The following BBS7 variants were observed in gnomAD, a reference collection of about 807,000 sequenced individuals.
BBS7 encodes the protein Bardet-Biedl syndrome 7.
A neutral mutation model predicts 90.3 loss-of-function variants in BBS7; 50 were observed. The observed-to-expected ratio is 0.55, with a 90% CI of 0.44 to 0.70. BBS7 has a LOEUF of 0.70. BBS7 is among the 30% of genes least tolerant of loss of function. The pLI is 0.00. For missense variants in BBS7, 729 were observed against 838.9 expected, an observed-to-expected ratio of 0.87 and a Z score of 1.62; for synonymous variants, 235 against 287.4, an observed-to-expected ratio of 0.82 and a Z score of 1.85.
intron 1 of BBS7, 149 bp from the exon 2 acceptor site, chr4:121,868,195 T>C: frequency 1.4e-6 from 1 of 736,800 alleles, no homozygotes; most frequent in Non-Finnish European, 2.4e-6. Context: ...TATGTCATAT[T>C]AGTCAGAATA....
In BBS7 at chr4:121,839,779, C is replaced by T. The variant is rs1201208703; in HGVS notation, c.1306-83G>A. ...AAGACATCAATAATAATAATGGTTA[C>T]CATTTGCTTAAGCACCTGTCATTGG... On this transcript the variant is annotated intron_variant, in intron 12 of 18. Coordinates refer to ENST00000264499, the MANE Select transcript of BBS7 (RefSeq NM_176824.3). 18 of 1,240,994 alleles carry T rather than the reference C, an allele frequency of 1.5e-5. 1 individual carries two copies. In the South Asian group the frequency reaches 2.3e-4, roughly 16 times the overall value. The allele number at this position is 1,240,994 out of a possible 1,614,324, so 76.9% of individuals were successfully genotyped here.
rs1724876837 is a variant in BBS7 at position 121,825,790 on chromosome 4, A to C, written c.*70T>G. The stretch of plus-strand genomic sequence containing the variant: ...TGAAATTAAAGTACATACACAGTTA[A>C]CTTCTAATTCTCTTTTAACATTTTT... On this transcript the variant is annotated 3_prime_UTR_variant, in exon 19 of 19. Coordinates refer to ENST00000264499, the MANE Select transcript of BBS7 (RefSeq NM_176824.3). The C allele has an allele frequency of 2.0e-6, 3 of 1,515,152 alleles. No individual in the cohort carries two copies. Among genetic ancestry groups the C allele is most frequent in the Non-Finnish European group, 2.7e-6 (3 of 1,101,034 alleles). The allele number at this position is 1,515,152 out of a possible 1,614,324, so 93.9% of individuals were successfully genotyped here.
intron 18 of BBS7, 63 bp downstream of exon 18, chr4:121,828,083 G>C: frequency 1.7e-5 from 27 of 1,605,242 alleles, no homozygotes; most frequent in Non-Finnish European, 2.3e-5. Context: ...TCTCTTACAT[G>C]ATCCTTGGGA....
At chr4:121,868,076 T>C (rs779447772) in intron 1 of BBS7, 30 bp from the exon 2 acceptor site, 2 of 1,571,560 alleles carry the variant, frequency 1.3e-6, no homozygotes, top group South Asian at 2.2e-5. Flanking sequence ...GCCTAGTGAA[T>C]TTAATTTGAA....
intron 12 of BBS7, among the ~76,000 whole-genome samples, chr4:121,842,703 A>G (rs1470814742): frequency 5.9e-5 from 9 of 152,118 alleles, no homozygotes; most frequent in Admixed American, 5.9e-4. Flanking sequence ...AATGCATATA[A>G]ATAAAATAAA....
chr4:121,868,351 T>C (rs183165553), intron 1 of BBS7, among the ~76,000 whole-genome samples: 180 of 152,134 alleles, frequency 1.2e-3, no homozygotes, highest in African/African-American at 4.2e-3. Flanking sequence ...TTCAGCAAAG[T>C]GATTCAAGAA....
chr4:121,851,697 A>C (rs1726328875), intron 8 of BBS7, among the ~76,000 whole-genome samples: 1 of 152,198 alleles, frequency 6.6e-6, no homozygotes, highest in African/African-American at 2.4e-5. Context: ...CCCCTTAACT[A>C]CCTTTTTTGA....
chr4:121,837,373 C>T (rs111460492), intron 13 of BBS7, among the ~76,000 whole-genome samples: 128 of 152,180 alleles, frequency 8.4e-4, no homozygotes, highest in African/African-American at 2.9e-3. Flanking sequence ...TACCTATTAT[C>T]GGTTAGACAA....
At chr4:121,827,942 T>A in intron 18 of BBS7, 1 of 1,363,010 alleles carries the variant, frequency 7.3e-7, no homozygotes, top group Non-Finnish European at 9.4e-7. Context: ...TTTTATCAAG[T>A]AAAAGAATTA....
At chr4:121,842,251 CAAAAAAA>C (rs1270788731) in intron 12 of BBS7, among the ~76,000 whole-genome samples, 13 of 66,674 alleles carry the variant, frequency 1.9e-4, no homozygotes, top group Admixed American at 1.2e-3. Flanking sequence ...GACTCCATCT[CAAAAAAA>C]AAAAAAAAAA....
chr4:121,849,528 T>A (rs1000311169), intron 8 of BBS7, among the ~76,000 whole-genome samples: 14 of 152,210 alleles, frequency 9.2e-5, no homozygotes, highest in Admixed American at 3.9e-4. Context: ...AAAGGTTTTT[T>A]AAAAACTTAC....
intron 15 of BBS7, among the ~76,000 whole-genome samples, chr4:121,830,968 G>A (rs1240482004): frequency 1.3e-5 from 2 of 152,190 alleles, no homozygotes; most frequent in African/African-American, 4.8e-5. Context: ...AGTACTTTGG[G>A]AGGCTGAGGC....
chr4:121,864,185 A>C (rs1727139033), intron 2 of BBS7, among the ~76,000 whole-genome samples: 1 of 152,220 alleles, frequency 6.6e-6, no homozygotes, highest in Non-Finnish European at 1.5e-5. Flanking sequence ...GTCTTCCACG[A>C]AACTGGTTCC....
chr4:121,863,032 G>GTAA (rs1727068709), intron 3 of BBS7, among the ~76,000 whole-genome samples, 185 bp downstream of exon 3: 1 of 152,104 alleles, frequency 6.6e-6, no homozygotes, highest in South Asian at 2.1e-4. Flanking sequence ...GATGCCAAAG[G>GTAA]TGCCTTACAA....
chr4:121,836,992 C>T (rs1466744901), intron 13 of BBS7, among the ~76,000 whole-genome samples: 1 of 151,502 alleles, frequency 6.6e-6, no homozygotes, highest in Non-Finnish European at 1.5e-5. Flanking sequence ...TAGAGTCTCA[C>T]TCCATTGCCC....
In BBS7 at chr4:121,827,667, T is replaced by C. The variant is rs535771211; in HGVS notation, c.2014+479A>G. On this transcript the variant is annotated intron_variant, in intron 18 of 18. Coordinates refer to ENST00000264499, the MANE Select transcript of BBS7 (RefSeq NM_176824.3). Reference sequence around the variant, plus strand: ...CTCCCTTACTCTGTTTCAATACAATTTGTGAAACATTCAGCTTCTCACCAC... The same window carrying C: ...CTCCCTTACTCTGTTTCAATACAATCTGTGAAACATTCAGCTTCTCACCAC... The C allele has an allele frequency of 2.3e-5, 13 of 563,120 alleles. No individual in the cohort carries two copies. The East Asian group carries it at 1.7e-3, about 74-fold the overall frequency. 34.9% of individuals were successfully genotyped at this position (563,120 alleles called of 1,614,324 possible).
intron 13 of BBS7, among the ~76,000 whole-genome samples, chr4:121,836,733 C>T (rs1168248868): frequency 6.6e-6 from 1 of 152,146 alleles, no homozygotes; most frequent in Non-Finnish European, 1.5e-5. Flanking sequence ...GAGCTAATAT[C>T]TATTTTCCTA....
chr4:121,852,877 T>A (rs1324107504), intron 8 of BBS7, 79 bp downstream of exon 8: 1 of 1,407,234 alleles, frequency 7.1e-7, no homozygotes, highest in Non-Finnish European at 9.9e-7. Context: ...ATATTTTCAC[T>A]TAATAAAATT....
At chr4:121,829,237 C>CTT (rs58186352) in intron 15 of BBS7, among the ~76,000 whole-genome samples, 30 of 136,418 alleles carry the variant, frequency 2.2e-4, no homozygotes, top group Middle Eastern at 3.7e-3. Flanking sequence ...CATTATTTTT[C>CTT]TTTTTTTTTT....
Sources: allele counts gnomAD v4.1 joint callset (sites outside exome capture counted in the v4.1 genomes callset), GRCh38; gene constraint gnomAD v4.1.1; transcripts MANE v1.5; gene names NCBI Gene and HGNC (gene_info 2026-07-23, HGNC 2026-07-21).